Variants in ANKRD30BL observed in about 807,000 individuals in gnomAD.
ANKRD30BL encodes ankyrin repeat domain 30B like.
In ANKRD30BL, 20 loss-of-function variants were observed where a neutral mutation model predicts 18.4. That is an observed-to-expected ratio of 1.09 (90% CI 0.77 to 1.58). The LOEUF is 1.58. ANKRD30BL is among the 40% of genes most tolerant of loss of function. ANKRD30BL has a pLI of 0.00. For synonymous variants in ANKRD30BL, 72 were observed against 100.9 expected (o/e 0.71, Z 1.72); for missense variants, 224 against 268.6 (o/e 0.83, Z 1.16).
intron 1 of ANKRD30BL, among the ~76,000 whole-genome samples, chr2:132,185,148 A>G (rs1375961610): frequency 6.6e-6 from 1 of 152,126 alleles, no homozygotes; most frequent in African/African-American, 2.4e-5. Context: ...TCATAAGACT[A>G]GTAGGTGTTT....
At chr2:132,225,706 G>C (rs1407070827) in intron 1 of ANKRD30BL, among the ~76,000 whole-genome samples, 5 of 151,492 alleles carry the variant, frequency 3.3e-5, no homozygotes, top group African/African-American at 7.3e-5. Context: ...AACTTCTTTG[G>C]CTGTGTGCAT....
chr2:132,222,829 C>CAAAAAAAAAAAA (rs1558942311), intron 1 of ANKRD30BL, among the ~76,000 whole-genome samples: 1 of 4,114 alleles, frequency 2.4e-4, no homozygotes, highest in African/African-American at 4.4e-4. Flanking sequence ...CAAGAATGAT[C>CAAAAAAAAAAAA]AATAAAAAAA....
chr2:132,176,354 C>A (rs1406653669), intron 1 of ANKRD30BL, among the ~76,000 whole-genome samples: 1 of 152,084 alleles, frequency 6.6e-6, no homozygotes, highest in Non-Finnish European at 1.5e-5. Context: ...ATGGTGAAAC[C>A]CTGTCTCTAC....
chr2:132,225,866 A>G (rs1339982629), intron 1 of ANKRD30BL, among the ~76,000 whole-genome samples: 1 of 151,588 alleles, frequency 6.6e-6, no homozygotes, highest in African/African-American at 2.4e-5. Flanking sequence ...CATTCTCAGA[A>G]ACTTCTTTGT....
At chr2:132,173,228 C>T (rs941929440) in intron 1 of ANKRD30BL, among the ~76,000 whole-genome samples, 1 of 151,272 alleles carries the variant, frequency 6.6e-6, no homozygotes, top group African/African-American at 2.4e-5. Flanking sequence ...AAGTTAAGGG[C>T]CCAAACTTTA....
At chr2:132,166,867 C>T (rs940082884), upstream of ANKRD30BL, among the ~76,000 whole-genome samples, 4 of 151,902 alleles carry the variant, frequency 2.6e-5, no homozygotes, top group Admixed American at 1.3e-4. Context: ...TTTCTAGTTT[C>T]TTAAGGCAGA....
chr2:132,221,407 G>A (rs1338203025), intron 1 of ANKRD30BL, among the ~76,000 whole-genome samples: 120 of 137,000 alleles, frequency 8.8e-4, no homozygotes, highest in African/African-American at 2.2e-3. Flanking sequence ...CGCCCCGTCC[G>A]GGAGGGAGGT....
intron 1 of ANKRD30BL, among the ~76,000 whole-genome samples, chr2:132,202,751 T>C (rs1679133206): frequency 6.6e-6 from 1 of 152,218 alleles, no homozygotes; most frequent in Non-Finnish European, 1.5e-5. Context: ...TATATATACC[T>C]GTGTATAAAT....
intron 1 of ANKRD30BL, among the ~76,000 whole-genome samples, chr2:132,256,253 T>A (rs956405480): frequency 8.8e-5 from 13 of 148,522 alleles, no homozygotes; most frequent in Non-Finnish European, 1.9e-4. Context: ...GTTGCGAGAT[T>A]GGGCGCGGCA....
chr2:132,240,887 C>T (rs200956658), intron 1 of ANKRD30BL, among the ~76,000 whole-genome samples: 1 of 151,630 alleles, frequency 6.6e-6, no homozygotes, highest in Non-Finnish European at 1.5e-5. Flanking sequence ...GATGTGTTTA[C>T]TCAACTGTCA....
intron 1 of ANKRD30BL, among the ~76,000 whole-genome samples, chr2:132,233,865 C>A (rs1204355412): frequency 6.6e-6 from 1 of 151,810 alleles, no homozygotes; most frequent in Non-Finnish European, 1.5e-5. Context: ...CTCTCCACCC[C>A]AAATCAACAG....
At chr2:132,241,573 C>T (rs1174891038) in intron 1 of ANKRD30BL, among the ~76,000 whole-genome samples, 2 of 151,620 alleles carry the variant, frequency 1.3e-5, no homozygotes, top group African/African-American at 2.4e-5. Flanking sequence ...GTGTACTGAA[C>T]TCACCCAGTT....
At chr2:132,254,506 G>A (rs199957983) in intron 1 of ANKRD30BL, among the ~76,000 whole-genome samples, 2 of 152,298 alleles carry the variant, frequency 1.3e-5, no homozygotes, top group African/African-American at 4.8e-5. Context: ...CAGGAGTAGC[G>A]ACTGCAGTGT....
chr2:132,160,018 A>C (rs1688012475), intron 1 of ANKRD30BL, among the ~76,000 whole-genome samples: 1 of 152,132 alleles, frequency 6.6e-6, no homozygotes, highest in African/African-American at 2.4e-5. Flanking sequence ...TCAAGTTCTA[A>C]ATTCTTAGAT....
At chr2:132,255,587 G>A (rs1680808384) in intron 1 of ANKRD30BL, among the ~76,000 whole-genome samples, 2 of 152,138 alleles carry the variant, frequency 1.3e-5, no homozygotes, top group Admixed American at 6.5e-5. Flanking sequence ...GCTGGCACCA[G>A]ACTTGCCCTC....
chr2:132,221,235 G>T (rs1679668650), intron 1 of ANKRD30BL, among the ~76,000 whole-genome samples: 5 of 146,302 alleles, frequency 3.4e-5, no homozygotes, highest in Admixed American at 3.3e-4. Context: ...CCGTCCGGGA[G>T]GTGAGGGGCT....
chr2:132,183,018 A>C (rs1159438962), intron 1 of ANKRD30BL, among the ~76,000 whole-genome samples: 1 of 152,184 alleles, frequency 6.6e-6, no homozygotes, highest in Non-Finnish European at 1.5e-5. Context: ...ACGATGTTGG[A>C]TAATATCATA....
intron 1 of ANKRD30BL, among the ~76,000 whole-genome samples, chr2:132,206,295 A>T (rs924734917): frequency 6.6e-6 from 1 of 152,208 alleles, no homozygotes; most frequent in African/African-American, 2.4e-5. Context: ...AAACAGCAAC[A>T]CACCACTGGA....
upstream of ANKRD30BL, among the ~76,000 whole-genome samples, chr2:132,162,498 T>C (rs566941999): frequency 6.6e-6 from 1 of 152,186 alleles, no homozygotes; most frequent in Non-Finnish European, 1.5e-5. Flanking sequence ...CTGGGCCCTG[T>C]ACAGCTGCGG....
Sources: allele counts gnomAD v4.1 joint callset (sites outside exome capture counted in the v4.1 genomes callset), GRCh38; gene constraint gnomAD v4.1.1; transcripts MANE v1.5; gene names NCBI Gene and HGNC (gene_info 2026-07-23, HGNC 2026-07-21).